The following VPS13D variants were observed in gnomAD, a reference collection of about 807,000 sequenced individuals.
VPS13D encodes the protein vacuolar protein sorting 13 homolog D, also known as intermembrane lipid transfer protein VPS13D.
Under a neutral mutation model 461.9 loss-of-function variants are expected in VPS13D, and 187 were observed. The ratio of observed to expected loss-of-function variants is 0.40; its 90% CI spans 0.36 to 0.46. The LOEUF is 0.46. VPS13D is among the 20% of genes least tolerant of loss of function. The pLI is 0.60. For synonymous variants in VPS13D, 1,951 were observed against 1,986.3 expected, an observed-to-expected ratio of 0.98 and a Z score of 0.47; for missense variants, 4,711 against 5,364.9, an observed-to-expected ratio of 0.88 and a Z score of 3.81.
chr1:12,483,746 T>C (rs1230121698), intron 67 of VPS13D, among the ~76,000 whole-genome samples: 4 of 151,806 alleles, frequency 2.6e-5, no homozygotes. Context: ...ACGCCTGTAA[T>C]CCCAGCACTT....
At chr1:12,337,626 C>T (rs1164181071) in intron 39 of VPS13D, 1 of 152,240 alleles carries the variant, frequency 6.6e-6, no homozygotes, top group Non-Finnish European at 1.5e-5. Flanking sequence ...GGCGGTGTGG[C>T]ACTTCATTGA....
intron 29 of VPS13D, among the ~76,000 whole-genome samples, chr1:12,312,145 A>G (rs1278027073): frequency 1.3e-5 from 2 of 152,234 alleles, no homozygotes; most frequent in African/African-American, 4.8e-5. Context: ...AGACAACCCC[A>G]AAGTATCAGT....
At chr1:12,278,651 TGTTGTTAAAGTA>T (rs1222745494) in intron 19 of VPS13D, among the ~76,000 whole-genome samples, 7 of 152,196 alleles carry the variant, frequency 4.6e-5, no homozygotes, top group Non-Finnish European at 7.3e-5. Context: ...AGTGGATGGA[TGTTGTTAAAGTA>T]TTGTTTAATT....
At chr1:12,356,293 C>G in intron 48 of VPS13D, 105 bp from the exon 49 acceptor site, 1 of 1,446,536 alleles carries the variant, frequency 6.9e-7, no homozygotes, top group Non-Finnish European at 9.2e-7. Context: ...TAAATAGATT[C>G]AGTTTTCACT....
chr1:12,355,993 C>T lies in VPS13D; in HGVS notation c.9774C>T (p.Asn3258=). The T allele has an allele frequency of 1.2e-6, 2 of 1,613,418 alleles. No homozygotes were observed. Among genetic ancestry groups the T allele is most frequent in the Non-Finnish European group, 1.7e-6 (2 of 1,179,654 alleles). ...YMVRMRLYDV[N]RRQLNLTIRI... ...TGAGAATGCGACTCTATGACGTCAA[C>T]CGTCGGCAGCTGAACCTCACCATCC... The change falls in exon 48 of 70, where the codon AAC becomes AAT. Residue 3258 remains asparagine (N), a synonymous_variant. Transcript: ENST00000620676.
At chr1:12,371,754 T>C (rs1161689245) in intron 54 of VPS13D, among the ~76,000 whole-genome samples, 5 of 152,162 alleles carry the variant, frequency 3.3e-5, no homozygotes, top group Middle Eastern at 3.2e-3. Flanking sequence ...GTATACTACA[T>C]TTTTGTTTAT....
chr1:12,384,316 G>A (rs750587029), intron 58 of VPS13D, among the ~76,000 whole-genome samples: 8 of 152,152 alleles, frequency 5.3e-5, no homozygotes, highest in Non-Finnish European at 7.4e-5. Context: ...TGGCCTCCAA[G>A]GTTCTGATTT....
chr1:12,439,553 A>G (rs919795342), intron 65 of VPS13D, among the ~76,000 whole-genome samples: 10 of 151,560 alleles, frequency 6.6e-5, no homozygotes, highest in Non-Finnish European at 1.3e-4. Flanking sequence ...CTGTACAGCT[A>G]TGAATACAAC....
chr1:12,331,482 C>T lies in VPS13D; in HGVS notation c.8287+1564C>T, dbSNP rs138119179. 4.3e-3 allele frequency among the ~76,000 whole-genome samples: 653 copies of T among 151,632 alleles called. 3 individuals are homozygous for T. Among genetic ancestry groups the T allele is most frequent in the Non-Finnish European group, 7.6e-3 (514 of 67,874 alleles). On this transcript the variant is annotated intron_variant, in intron 37 of 69. Coordinates refer to ENST00000620676, the MANE Select transcript of VPS13D (RefSeq NM_015378.4). ...CAGCGCTTTGGGAGGCCGAGGTGGG[C>T]GGATCATCAGGTCAGGAGATTGAGA...
chr1:12,324,197 T>C (rs1489889199), intron 35 of VPS13D, among the ~76,000 whole-genome samples: 1 of 152,126 alleles, frequency 6.6e-6, no homozygotes. Context: ...GCAGCAGTCT[T>C]TAGTAGTGGA....
At chr1:12,366,353 G>A (rs1644034452) in intron 52 of VPS13D, among the ~76,000 whole-genome samples, 1 of 152,144 alleles carries the variant, frequency 6.6e-6, no homozygotes, top group Non-Finnish European at 1.5e-5. Context: ...GGAGCTGTTG[G>A]GTTTTAAGGA....
rs1643741450 is a variant in VPS13D, at chr1:12,349,147, C to T, written c.9221-17C>T. The T allele has an allele frequency of 1.2e-6, 2 of 1,612,882 alleles. No homozygotes were observed. Among genetic ancestry groups the T allele is most frequent in the Non-Finnish European group, 1.7e-6 (2 of 1,180,016 alleles). On this transcript the variant is annotated splice_polypyrimidine_tract_variant and intron_variant, in intron 45 of 69. Coordinates refer to ENST00000620676, the MANE Select transcript of VPS13D (RefSeq NM_015378.4). ...AGGACCATTGCCTGAAAGTGTTAAC[C>T]CTTATTTCTGTGGCAGAGCCAGTGG...
intron 21 of VPS13D, among the ~76,000 whole-genome samples, chr1:12,285,291 TATTTA>T (rs1449981132): frequency 4.0e-5 from 6 of 149,070 alleles, no homozygotes; most frequent in African/African-American, 1.5e-4. Context: ...TTTATTTATT[TATTTA>T]TTTTTTTTTT....
chr1:12,266,741 G>GT (rs887365390), intron 13 of VPS13D, 140 bp from the exon 14 acceptor site: 6 of 818,646 alleles, frequency 7.3e-6, no homozygotes, highest in Admixed American at 7.4e-5. Context: ...GATAGATAGG[G>GT]TTTTTTTGTT....
intron 54 of VPS13D, 53 bp downstream of exon 54, chr1:12,369,755 AC>A: frequency 6.5e-7 from 1 of 1,543,224 alleles, no homozygotes; most frequent in South Asian, 1.2e-5. Context: ...CTAATTATTA[AC>A]AGGTTTTAAA....
In VPS13D at chr1:12,497,598, T is replaced by C; in HGVS notation, c.12761T>C (p.Leu4254Pro). ...AGCCAGGCGGAAGGACAGGAGCAGCTCTTCAAACTCACAGACAACATACAG... is the reference window on the plus strand; with the variant it reads ...AGCCAGGCGGAAGGACAGGAGCAGCCCTTCAAACTCACAGACAACATACAG... Reference protein sequence around the residue: ...SESQAEGQEQLFKLTDNIQDE... With the variant: ...SESQAEGQEQPFKLTDNIQDE... Residue 4254 changes from leucine to proline, a missense_variant, in exon 68 of 70, where the codon CTC (leucine) becomes CCC (proline). This residue lies in a region of VPS13D where 194 missense variants were observed against 220.9 expected (regional missense o/e 0.88). Transcript: ENST00000620676. 6.2e-7 allele frequency: 1 copy of C among 1,613,978 alleles called. No individual in the cohort carries two copies. Among genetic ancestry groups the C allele is most frequent in the Non-Finnish European group, 8.5e-7 (1 of 1,179,974 alleles).
chr1:12,316,785 A>G (rs1047098268), intron 30 of VPS13D, among the ~76,000 whole-genome samples: 1 of 150,586 alleles, frequency 6.6e-6, no homozygotes, highest in African/African-American at 2.4e-5. Flanking sequence ...TTACGGAACC[A>G]AGTTCAACCC....
chr1:12,231,770 C>T (rs1482336990), intron 1 of VPS13D, among the ~76,000 whole-genome samples: 3 of 152,196 alleles, frequency 2.0e-5, no homozygotes, highest in African/African-American at 7.2e-5. Context: ...GGGCAGATCG[C>T]TTAAGGTCAG....
chr1:12,410,034 G>C (rs1324188261), intron 63 of VPS13D: 1 of 402,328 alleles, frequency 2.5e-6, no homozygotes, highest in Admixed American at 2.9e-5. Context: ...GCAGTCTCAT[G>C]GGGCTAGCAA....
Sources: allele counts gnomAD v4.1 joint callset (sites outside exome capture counted in the v4.1 genomes callset), GRCh38; gene constraint gnomAD v4.1.1; regional missense constraint gnomAD v4.1.1; transcripts MANE v1.5; gene names NCBI Gene and HGNC (gene_info 2026-07-23, HGNC 2026-07-21).